HAVCR2: variants seen among roughly 807,000 people sequenced by gnomAD.
HAVCR2 encodes T cell immunoglobulin mucin 3.
A neutral mutation model predicts 24.7 loss-of-function variants in HAVCR2; 13 were observed. That is an observed-to-expected ratio of 0.53 (90% CI 0.34 to 0.84). The LOEUF is 0.84. Ranked by LOEUF, HAVCR2 falls within the 40% of genes least tolerant of loss-of-function variation. The pLI is 0.01. For missense variants in HAVCR2, 343 were observed against 371.2 expected (o/e 0.92, Z 0.62); for synonymous variants, 154 against 143.4 (o/e 1.07, Z -0.53).
intron 5 of HAVCR2, among the ~76,000 whole-genome samples, chr5:157,094,631 C>G (rs1336223504): frequency 6.6e-6 from 1 of 151,990 alleles, no homozygotes; most frequent in African/African-American, 2.4e-5. Context: ...GATCCACCCC[C>G]CTCAGCCTCC....
chr5:157,096,738 T>C (rs1757099369), intron 4 of HAVCR2, among the ~76,000 whole-genome samples: 2 of 151,904 alleles, frequency 1.3e-5, no homozygotes, highest in Non-Finnish European at 2.9e-5. Context: ...GGTTGTGCCA[T>C]TGTACTCCAG....
At chr5:157,093,183 G>T (rs1433697036) in intron 5 of HAVCR2, among the ~76,000 whole-genome samples, 1 of 151,422 alleles carries the variant, frequency 6.6e-6, no homozygotes, top group African/African-American at 2.4e-5. Flanking sequence ...GTAAGTGTGG[G>T]TGGGGTAGTT....
chr5:157,087,364 G>C (rs990425226), intron 6 of HAVCR2, 70 bp from the exon 7 acceptor site: 2 of 1,356,390 alleles, frequency 1.5e-6, no homozygotes, highest in Non-Finnish European at 2.0e-6. Context: ...TAAGAGAATA[G>C]GCTTTCCCAA....
At chr5:157,101,453 C>A (rs1193920747) in intron 3 of HAVCR2, among the ~76,000 whole-genome samples, 1 of 152,116 alleles carries the variant, frequency 6.6e-6, no homozygotes, top group Non-Finnish European at 1.5e-5. Context: ...TAGTAGTTAC[C>A]ATCTATTTGG....
chr5:157,087,298 T>C lies in HAVCR2; in HGVS notation c.714-4A>G, dbSNP rs1756927290. On this transcript the variant is annotated splice_region_variant and splice_polypyrimidine_tract_variant and intron_variant, in intron 6 of 6. Transcript: ENST00000307851. The stretch of plus-strand genomic sequence containing the variant: ...GAGGTTGGCCAAAGAGATGAGGCTG[T>C]GGAAATAAAGTGTTGCGGTTGAGTT... 1 of 1,603,366 alleles carries C rather than the reference T, an allele frequency of 6.2e-7. No individual in the cohort carries two copies. Among genetic ancestry groups the C allele is most frequent in the African/African-American group, 1.3e-5 (1 of 74,244 alleles).
At position 157,106,674 on chromosome 5, in the gene HAVCR2, C is replaced by T. The variant is rs759186529; in HGVS notation, c.347G>A (p.Gly116Asp). The change falls in exon 2 of 7, where the codon GGC becomes GAC. Residue 116 changes from glycine to aspartate, a missense_variant. Coordinates refer to ENST00000307851, the MANE Select transcript of HAVCR2 (RefSeq NM_032782.5). Reference sequence around the variant, plus strand: ...GTTAAATTTTTCATCATTCATTATGCCTGGGATTTGGATCCGGCAGCAGTA... The same window carrying T: ...GTTAAATTTTTCATCATTCATTATGTCTGGGATTTGGATCCGGCAGCAGTA... The part of the protein sequence containing the change: ...GIYCCRIQIP[G>D]IMNDEKFNLK... 5 of 1,614,196 alleles carry T rather than the reference C, an allele frequency of 3.1e-6. No individual in the cohort carries two copies. The highest frequency in any genetic ancestry group is 4.2e-6 in the Non-Finnish European group (5 of 1,180,038).
rs1756910799 is a variant in HAVCR2, at chr5:157,086,232, A to G, written c.*870T>C. 6.6e-6 allele frequency: 1 copy of G among 152,242 alleles called. No individual in the cohort carries two copies. Among genetic ancestry groups the G allele is most frequent in the Non-Finnish European group, 1.5e-5 (1 of 68,068 alleles). 9.4% of individuals were successfully genotyped at this position (152,242 alleles called of 1,614,324 possible). ...GCAGGGCAGTCTTCATAAGGGAGAC[A>G]AAAGAAGGGCTATGCACTGGCACTG... is the stretch of plus-strand genomic sequence containing the variant. On this transcript the variant is annotated 3_prime_UTR_variant, in exon 7 of 7. Transcript: ENST00000307851.
chr5:157,102,124 A>G (rs1757176266), intron 3 of HAVCR2, among the ~76,000 whole-genome samples: 1 of 151,880 alleles, frequency 6.6e-6, no homozygotes, highest in Non-Finnish European at 1.5e-5. Flanking sequence ...TTTAGTAGAG[A>G]CAGGGGTTTC....
chr5:157,106,863 C>T lies in HAVCR2; in HGVS notation c.158G>A (p.Trp53Ter). Residue 53 changes from tryptophan (W) to a stop codon, truncating the protein, a stop_gained, in exon 2 of 7, where the codon TGG (tryptophan) becomes TAG (stop). Transcript: ENST00000307851. LOFTEE classifies it high-confidence loss of function. ...AAPGNLVPVC[W>*]GKGACPVFEC... ...AAACACAGGACAGGCTCCTTTGCCC[C>T]AGCAGACGGGCACGAGGTTCCCTGG... 1.2e-6 allele frequency: 2 copies of T among 1,614,208 alleles called. No homozygotes were observed. The highest frequency in any genetic ancestry group is 2.2e-5 in the South Asian group (2 of 91,090).
Position 157,092,878 on chromosome 5 carries a change from C to CAAAAAAAAAAAAAAAAAAA in HAVCR2, c.676+2409_676+2427dup, listed in dbSNP as rs556443053. Reference sequence around the variant, plus strand: ...CAACATGGCAAAACCCTGTCTCTACCAAAAAAAAAAAAAAAAAAAAAAAAA... The same window carrying CAAAAAAAAAAAAAAAAAAA: ...CAACATGGCAAAACCCTGTCTCTACCAAAAAAAAAAAAAAAAAAAAAAAAAAAAAAAAAAAAAAAAAAAA... On this transcript the variant is annotated intron_variant, in intron 5 of 6. Transcript: ENST00000307851. 7.3e-4 allele frequency among the ~76,000 whole-genome samples: 32 copies of CAAAAAAAAAAAAAAAAAAA among 44,040 alleles called. 8 individuals carry two copies. The highest frequency in any genetic ancestry group is 9.7e-4 in the Non-Finnish European group (21 of 21,714). 28.9% of individuals were successfully genotyped at this position (44,040 alleles called of 152,430 possible).
At chr5:157,105,108 A>T (rs1757227309) in intron 2 of HAVCR2, among the ~76,000 whole-genome samples, 1 of 150,844 alleles carries the variant, frequency 6.6e-6, no homozygotes, top group South Asian at 2.1e-4. Flanking sequence ...CTTGTTGCCC[A>T]GGCTGGAGTG....
intron 6 of HAVCR2, among the ~76,000 whole-genome samples, chr5:157,088,719 A>C (rs934722262): frequency 6.6e-6 from 1 of 152,232 alleles, no homozygotes; most frequent in Non-Finnish European, 1.5e-5. Context: ...AGGGTGATAA[A>C]TTCTATACCT....
chr5:157,108,676 T>G (rs1268512206), intron 1 of HAVCR2, among the ~76,000 whole-genome samples: 1 of 152,214 alleles, frequency 6.6e-6, no homozygotes, highest in African/African-American at 2.4e-5. Context: ...AATATATGCA[T>G]TATTCTGCAA....
chr5:157,092,545 C>G (rs971897846), intron 5 of HAVCR2, among the ~76,000 whole-genome samples: 9 of 151,972 alleles, frequency 5.9e-5, no homozygotes, highest in African/African-American at 1.9e-4. Flanking sequence ...CTCCTGGGCT[C>G]AAGTGATTCT....
intron 4 of HAVCR2, 139 bp from the exon 5 acceptor site, chr5:157,095,598 A>T: frequency 1.1e-6 from 1 of 904,102 alleles, no homozygotes; most frequent in Non-Finnish European, 1.7e-6. Context: ...TTGATCTGTC[A>T]CCTTGTAGCC....
chr5:157,091,373 GA>G (rs1450423903), intron 5 of HAVCR2, among the ~76,000 whole-genome samples: 27 of 151,956 alleles, frequency 1.8e-4, no homozygotes, highest in African/African-American at 6.5e-4. Flanking sequence ...TGAACCCGGG[GA>G]GGCAGAGGTT....
In HAVCR2 at chr5:157,106,882, T is replaced by C. The variant is rs1316059430; in HGVS notation, c.139A>G (p.Asn47Asp). Residue 47 changes from asparagine to aspartate, a missense_variant, in exon 2 of 7, where the codon AAC becomes GAC. Coordinates refer to ENST00000307851, the MANE Select transcript of HAVCR2 (RefSeq NM_032782.5). ...PCFYTPAAPG[N>D]LVPVCWGKGA... ...TTGCCCCAGCAGACGGGCACGAGGT[T>C]CCCTGGGGCGGCTGGGGTGTAGAAG... The C allele has an allele frequency of 1.9e-6, 3 of 1,614,032 alleles. No individual in the cohort carries two copies. Among genetic ancestry groups the C allele is most frequent in the Non-Finnish European group, 2.5e-6 (3 of 1,180,024 alleles).
intron 6 of HAVCR2, among the ~76,000 whole-genome samples, chr5:157,087,721 T>C (rs1048925843): frequency 2.0e-4 from 30 of 151,858 alleles, no homozygotes; most frequent in Non-Finnish European, 2.9e-4. Flanking sequence ...CTGGCCAACA[T>C]AGTGAAACCC....
chr5:157,093,102 CATATATATACAT>C (rs1757033386), intron 5 of HAVCR2, among the ~76,000 whole-genome samples: 1 of 131,810 alleles, frequency 7.6e-6, no homozygotes, highest in African/African-American at 3.8e-5. Context: ...TATGTGTATA[CATATATATACAT>C]ATATATATAT....
Sources: allele counts gnomAD v4.1 joint callset (sites outside exome capture counted in the v4.1 genomes callset), GRCh38; gene constraint gnomAD v4.1.1; transcripts MANE v1.5; gene names NCBI Gene and HGNC (gene_info 2026-07-23, HGNC 2026-07-21).